Variants in RAP1GAP2 observed in about 807,000 individuals in gnomAD.
RAP1GAP2 encodes the protein RAP1 GTPase activating protein 2.
RAP1GAP2 carries 27 observed loss-of-function variants against 95.0 expected under a neutral mutation model. That is an observed-to-expected ratio of 0.28 (90% CI 0.21 to 0.39). RAP1GAP2 has a LOEUF of 0.39. RAP1GAP2 is among the 10% of genes least tolerant of loss of function. RAP1GAP2 has a pLI of 1.00. For synonymous variants in RAP1GAP2, 373 were observed against 380.9 expected (o/e 0.98, Z 0.24); for missense variants, 771 against 970.0 (o/e 0.79, Z 2.72).
intron 13 of RAP1GAP2, among the ~76,000 whole-genome samples, chr17:2,997,653 T>C (rs2151583957): frequency 6.6e-6 from 1 of 151,930 alleles, no homozygotes; most frequent in South Asian, 2.1e-4. Flanking sequence ...TGAAAGAAGG[T>C]TGGGCACAGT....
chr17:2,821,552 T>G (rs1045007340), intron 2 of RAP1GAP2, among the ~76,000 whole-genome samples: 2 of 151,952 alleles, frequency 1.3e-5, no homozygotes, highest in Non-Finnish European at 2.9e-5. Flanking sequence ...TTTTTTTTTT[T>G]TTGTAGAGAT....
intron 11 of RAP1GAP2, among the ~76,000 whole-genome samples, chr17:2,988,340 C>T (rs1232131578): frequency 1.3e-5 from 2 of 152,152 alleles, no homozygotes; most frequent in Admixed American, 6.5e-5. Flanking sequence ...TCTGACAAAA[C>T]GATAGCACAA....
At chr17:2,979,407 CT>C (rs1555585414) in intron 8 of RAP1GAP2, among the ~76,000 whole-genome samples, 1 of 151,562 alleles carries the variant, frequency 6.6e-6, no homozygotes, top group Non-Finnish European at 1.5e-5. Context: ...TAATGGCATC[CT>C]TATTTGCATT....
chr17:2,840,212 G>C (rs2071311830), intron 2 of RAP1GAP2, among the ~76,000 whole-genome samples: 1 of 150,500 alleles, frequency 6.6e-6, no homozygotes, highest in Non-Finnish European at 1.5e-5. Context: ...CAGTGTCACT[G>C]GAGTGCGGTG....
intron 2 of RAP1GAP2, among the ~76,000 whole-genome samples, chr17:2,873,305 CA>C (rs377575894): frequency 0.49 from 46,907 of 95,416 alleles, 11,072 homozygotes; most frequent in East Asian, 0.67. Context: ...ACCAAAAATA[CA>C]AAAAAAAAAA....
intron 2 of RAP1GAP2, among the ~76,000 whole-genome samples, chr17:2,836,012 T>A (rs931361600): frequency 6.7e-6 from 1 of 149,834 alleles, no homozygotes; most frequent in Non-Finnish European, 1.5e-5. Flanking sequence ...ACTGGCGGGG[T>A]GTGTTGGTGC....
intron 2 of RAP1GAP2, among the ~76,000 whole-genome samples, chr17:2,863,779 G>A (rs1050362106): frequency 6.6e-5 from 10 of 152,126 alleles, no homozygotes; most frequent in Non-Finnish European, 8.8e-5. Flanking sequence ...AGGTAGGGCC[G>A]GGCACGGTGG....
At chr17:2,982,184 G>A (rs1302940200) in intron 10 of RAP1GAP2, among the ~76,000 whole-genome samples, 3 of 152,202 alleles carry the variant, frequency 2.0e-5, no homozygotes, top group African/African-American at 4.8e-5. Context: ...CTGTCACCCA[G>A]GCTGGAGTGC....
chr17:2,800,571 C>A (rs376488602), intron 2 of RAP1GAP2, 21 bp downstream of exon 2: 3 of 1,610,122 alleles, frequency 1.9e-6, no homozygotes. Flanking sequence ...ATTTCCTGTT[C>A]TGTAAAGGTC....
chr17:2,768,276 G>A (rs1040145601), intron 1 of RAP1GAP2, among the ~76,000 whole-genome samples: 6 of 152,210 alleles, frequency 3.9e-5, no homozygotes, highest in African/African-American at 1.4e-4. Context: ...CATTCCCACT[G>A]ATAATGTATC....
chr17:2,813,960 C>G (rs996464130), intron 2 of RAP1GAP2, among the ~76,000 whole-genome samples: 1 of 146,760 alleles, frequency 6.8e-6, no homozygotes, highest in Non-Finnish European at 1.5e-5. Flanking sequence ...GAGACTCCAT[C>G]TCAAAAAAAA....
upstream of RAP1GAP2, among the ~76,000 whole-genome samples, chr17:2,792,343 C>T (rs527601914): frequency 6.6e-6 from 1 of 152,310 alleles, no homozygotes; most frequent in African/African-American, 2.4e-5. Context: ...CTTGGAGCCC[C>T]GTGCTCAGTG....
chr17:2,844,515 G>A lies in RAP1GAP2; in HGVS notation c.80+43965G>A, dbSNP rs76988127. ...GGAAAAGCCCCAGAAAGCAGGCCTGGTGGAAAGCTTGCACATTGCAGACCT... is the reference window on the plus strand; with the variant it reads ...GGAAAAGCCCCAGAAAGCAGGCCTGATGGAAAGCTTGCACATTGCAGACCT... On this transcript the variant is annotated intron_variant, in intron 2 of 24. Coordinates refer to ENST00000254695, the MANE Select transcript of RAP1GAP2 (RefSeq NM_015085.5). Among the ~76,000 whole-genome samples the A allele has an allele frequency of 4.3e-3, 653 of 152,342 alleles. 3 individuals are homozygous for A. The highest frequency in any genetic ancestry group is 0.015 in the African/African-American group (621 of 41,576).
At chr17:2,849,446 C>G (rs576157324) in intron 2 of RAP1GAP2, among the ~76,000 whole-genome samples, 1 of 152,326 alleles carries the variant, frequency 6.6e-6, no homozygotes, top group Non-Finnish European at 1.5e-5. Flanking sequence ...ATGGATATGT[C>G]TCCTGGAGCC....
chr17:2,952,717 T>C (rs1392092624), intron 3 of RAP1GAP2, among the ~76,000 whole-genome samples: 3 of 152,218 alleles, frequency 2.0e-5, no homozygotes, highest in African/African-American at 7.2e-5. Flanking sequence ...ATTTCTTTCA[T>C]AACTAGAGAG....
upstream of RAP1GAP2, among the ~76,000 whole-genome samples, chr17:2,793,062 C>G (rs951834567): frequency 2.6e-4 from 40 of 152,090 alleles, no homozygotes; most frequent in African/African-American, 8.9e-4. Flanking sequence ...GCTTCTCTCT[C>G]ATGTATGAAA....
intron 3 of RAP1GAP2, among the ~76,000 whole-genome samples, chr17:2,926,332 TG>T (rs963054526): frequency 3.3e-5 from 5 of 152,192 alleles, no homozygotes; most frequent in African/African-American, 4.8e-5. Context: ...ACAACCCATC[TG>T]GCAGCTTTCT....
intron 8 of RAP1GAP2, among the ~76,000 whole-genome samples, chr17:2,978,561 AT>A (rs1295476696): frequency 1.3e-5 from 2 of 152,154 alleles, no homozygotes; most frequent in Non-Finnish European, 2.9e-5. Context: ...TCCATGTAAT[AT>A]TTTTTTGGCC....
rs2047176627 is a variant in RAP1GAP2 at position 3,027,848 on chromosome 17, G to A, written c.2107+778G>A. Among the ~76,000 whole-genome samples, 7 of 152,022 alleles carry A rather than the reference G, an allele frequency of 4.6e-5. No homozygotes were observed. Among genetic ancestry groups the A allele is most frequent in the Admixed American group, 4.6e-4 (7 of 15,276 alleles). On this transcript the variant is annotated intron_variant, in intron 22 of 24. Coordinates refer to ENST00000254695, the MANE Select transcript of RAP1GAP2 (RefSeq NM_015085.5). The surrounding 1 kb of genome is among the most constrained non-coding windows in gnomAD (Gnocchi z 5.2). ...AGCACCTCGGTTCAGGAGAGATCAA[G>A]GAGGTAAAATGTACGGGCTCAGTAG...
Sources: allele counts gnomAD v4.1 joint callset (sites outside exome capture counted in the v4.1 genomes callset), GRCh38; gene constraint gnomAD v4.1.1; non-coding constraint Gnocchi (gnomAD v3.1); transcripts MANE v1.5; gene names NCBI Gene and HGNC (gene_info 2026-07-23, HGNC 2026-07-21).